NALF1: variants seen among roughly 807,000 people sequenced by gnomAD.
The protein encoded by NALF1 is NALCN channel auxiliary factor 1, also known as family with sequence similarity 155 member A.
NALF1 carries 3 observed loss-of-function variants against 48.4 expected under a neutral mutation model. The ratio of observed to expected loss-of-function variants is 0.06; its 90% confidence interval spans 0.03 to 0.16. The LOEUF (loss-of-function observed/expected upper bound fraction) is 0.16. Ranked by LOEUF, NALF1 falls within the 10% of genes least tolerant of loss-of-function variation. The probability of loss-of-function intolerance (pLI) is 1.00; values close to 1 mark genes in which losing one functional copy is unlikely to be tolerated. For synonymous variants in NALF1, 262 were observed against 245.7 expected (o/e 1.07, Z -0.62); for missense variants, 526 against 571.5 (o/e 0.92, Z 0.81).
At chr13:107,469,810 C>T (rs1272514577) in intron 1 of NALF1, among the ~76,000 whole-genome samples, 1 of 129,808 alleles carries the variant, frequency 7.7e-6, no homozygotes, top group Non-Finnish European at 1.5e-5. Context: ...GTGGTGCGAT[C>T]TCAGCTCACT....
chr13:107,649,030 GTTTGTC>G lies in NALF1; in HGVS notation c.915+216646_915+216651del, dbSNP rs1165249715. ...TTTTGCCCATTTTTAAATTTGTACT[GTTTGTC>G]TTTGTTGTTGAGTTTTAAGAGCTCT... On this transcript the variant is annotated intron_variant, in intron 1 of 2. Coordinates refer to ENST00000375915, the MANE Select transcript of NALF1 (RefSeq NM_001080396.3). Among the ~76,000 whole-genome samples, 5 of 152,148 alleles carry G rather than the reference GTTTGTC, an allele frequency of 3.3e-5. No individual in the cohort carries two copies. The East Asian group carries it at 7.7e-4, about 23-fold the overall frequency.
intron 1 of NALF1, among the ~76,000 whole-genome samples, chr13:107,585,340 G>T (rs1418509376): frequency 6.6e-6 from 1 of 150,534 alleles, no homozygotes; most frequent in Non-Finnish European, 1.5e-5. Context: ...AAAATACTCG[G>T]TAAACCCAAG....
chr13:107,305,100 T>A (rs1594112228), intron 1 of NALF1, among the ~76,000 whole-genome samples: 1 of 152,186 alleles, frequency 6.6e-6, no homozygotes, highest in East Asian at 1.9e-4. Context: ...CTCCTTATAG[T>A]CATAGCCTCA....
At chr13:107,473,955 G>C (rs886362681) in intron 1 of NALF1, among the ~76,000 whole-genome samples, 3 of 152,092 alleles carry the variant, frequency 2.0e-5, no homozygotes, top group Non-Finnish European at 4.4e-5. Context: ...AACAAGGAGT[G>C]TTAGGAATAA....
intron 1 of NALF1, among the ~76,000 whole-genome samples, chr13:107,660,978 A>T (rs1880721545): frequency 6.6e-6 from 1 of 152,206 alleles, no homozygotes; most frequent in African/African-American, 2.4e-5. Flanking sequence ...GCAAATATCA[A>T]AGGATTACTT....
intron 1 of NALF1, among the ~76,000 whole-genome samples, chr13:107,722,351 G>A (rs376182740): frequency 1.5e-3 from 232 of 152,198 alleles, no homozygotes; most frequent in African/African-American, 5.1e-3. Context: ...CAGAGCAGTC[G>A]CAATCCTTGA....
intron 1 of NALF1, among the ~76,000 whole-genome samples, chr13:107,670,505 T>A (rs1449850938): frequency 1.3e-5 from 2 of 152,142 alleles, no homozygotes; most frequent in Non-Finnish European, 2.9e-5. Flanking sequence ...TGAACTAAAG[T>A]ATGTAAATGT....
chr13:107,747,499 A>G (rs545572499), intron 1 of NALF1, among the ~76,000 whole-genome samples: 1 of 152,278 alleles, frequency 6.6e-6, no homozygotes, highest in Admixed American at 6.5e-5. Flanking sequence ...TGTCTCAAAC[A>G]CCTACCTCAG....
chr13:107,825,527 A>G (rs115028835), intron 1 of NALF1, among the ~76,000 whole-genome samples: 1,808 of 152,318 alleles, frequency 0.012, 35 homozygotes, highest in African/African-American at 0.041. Context: ...ATCATGATAG[A>G]AAAAGCACTT....
At chr13:107,476,248 T>A (rs946891781) in intron 1 of NALF1, among the ~76,000 whole-genome samples, 2 of 152,138 alleles carry the variant, frequency 1.3e-5, no homozygotes, top group African/African-American at 4.8e-5. Flanking sequence ...ACCTTTCTTA[T>A]CAAATCCACT....
intron 1 of NALF1, among the ~76,000 whole-genome samples, chr13:107,480,660 G>T (rs1364298974): frequency 6.6e-6 from 1 of 152,156 alleles, no homozygotes; most frequent in Non-Finnish European, 1.5e-5. Flanking sequence ...ATTCAAATCT[G>T]TCCTGGGATA....
At chr13:107,212,491 C>A (rs1566452774) in intron 1 of NALF1, among the ~76,000 whole-genome samples, 1 of 152,134 alleles carries the variant, frequency 6.6e-6, no homozygotes, top group Admixed American at 6.5e-5. Context: ...TGGCTGTGTG[C>A]CCCAGGAGGA....
At chr13:107,404,650 CATT>C (rs1171008675) in intron 1 of NALF1, among the ~76,000 whole-genome samples, 3 of 152,162 alleles carry the variant, frequency 2.0e-5, no homozygotes, top group African/African-American at 7.2e-5. Flanking sequence ...ACAAATATTT[CATT>C]ATTATCTATC....
intron 1 of NALF1, among the ~76,000 whole-genome samples, chr13:107,247,517 A>C (rs530439704): frequency 2.0e-5 from 3 of 152,218 alleles, no homozygotes; most frequent in Non-Finnish European, 2.9e-5. Flanking sequence ...AAAAATCCTT[A>C]GCAAAAAGAT....
At chr13:107,336,207 G>A (rs991517721) in intron 1 of NALF1, among the ~76,000 whole-genome samples, 2 of 151,940 alleles carry the variant, frequency 1.3e-5, no homozygotes, top group Non-Finnish European at 2.9e-5. Flanking sequence ...ACAAAATTTA[G>A]CCTGACATGG....
At chr13:107,306,046 C>T (rs1401122212) in intron 1 of NALF1, among the ~76,000 whole-genome samples, 1 of 152,162 alleles carries the variant, frequency 6.6e-6, no homozygotes, top group African/African-American at 2.4e-5. Context: ...ATGTTGATAA[C>T]TACTGAAGAT....
intron 1 of NALF1, among the ~76,000 whole-genome samples, chr13:107,328,273 T>TACACACACACAC (rs34987619): frequency 2.0e-4 from 29 of 144,110 alleles, no homozygotes; most frequent in African/African-American, 6.4e-4. Context: ...TCTCCTGCAA[T>TACACACACACAC]ACACACACAC....
At chr13:107,266,588 T>C (rs2138858777) in intron 1 of NALF1, among the ~76,000 whole-genome samples, 1 of 152,282 alleles carries the variant, frequency 6.6e-6, no homozygotes, top group Non-Finnish European at 1.5e-5. Context: ...TGTAGATAAA[T>C]AAACACACAC....
At chr13:107,543,824 T>C (rs936530863) in intron 1 of NALF1, among the ~76,000 whole-genome samples, 2 of 151,982 alleles carry the variant, frequency 1.3e-5, no homozygotes, top group African/African-American at 4.8e-5. Context: ...TATACACATA[T>C]GTACCCAACT....
Sources: gnomAD v4.1 joint callset for allele counts (sites outside exome capture counted in the v4.1 genomes callset) on GRCh38, gnomAD v4.1.1 for gene constraint, MANE v1.5 for transcripts, NCBI Gene and HGNC (gene_info 2026-07-23, HGNC 2026-07-21) for gene names.